The following FGFR1 variants were observed in gnomAD, a reference collection of about 807,000 sequenced individuals.
FGFR1 encodes FGFR1/PLAG1 fusion.
FGFR1 carries 18 observed loss-of-function variants against 93.7 expected under a neutral mutation model. The observed-to-expected ratio is 0.19, with a 90% CI of 0.13 to 0.28. The LOEUF is 0.28. Ranked by LOEUF, FGFR1 falls within the 10% of genes least tolerant of loss-of-function variation. The pLI, the probability that FGFR1 is intolerant of heterozygous loss-of-function variation, is 1.00. For synonymous variants in FGFR1, 448 were observed against 429.3 expected, an observed-to-expected ratio of 1.04 and a Z score of -0.54; for missense variants, 731 against 1,080.4, an observed-to-expected ratio of 0.68 and a Z score of 4.53.
intron 2 of FGFR1, chr8:38,435,195 T>C (rs1361402629): frequency 6.6e-6 from 1 of 152,168 alleles, no homozygotes; most frequent in Non-Finnish European, 1.5e-5. Flanking sequence ...TTGTCCAAAA[T>C]GTCCAAGTCT....
rs758138124 is a variant in FGFR1, at chr8:38,418,315, C to A, written c.1343G>T (p.Arg448Leu). The change falls in exon 10 of 18, where the codon CGG becomes CTG. Residue 448 changes from arginine to leucine, a missense_variant. Transcript: ENST00000447712. ...CATGGGAGTCCCACTGGAGGAGAGC[C>A]GTGATGGCCGAACCAGAAGAACCCC... ...NSGVLLVRPSRLSSSGTPMLA... is the reference protein window; with the variant it reads ...NSGVLLVRPSLLSSSGTPMLA... 2.5e-6 allele frequency: 4 copies of A among 1,613,996 alleles called. No individual in the cohort carries two copies. The highest frequency in any genetic ancestry group is 1.7e-5 in the Admixed American group (1 of 59,998).
chr8:38,464,466 G>A (rs1835101228), intron 1 of FGFR1, among the ~76,000 whole-genome samples: 1 of 152,170 alleles, frequency 6.6e-6, no homozygotes, highest in East Asian at 1.9e-4. Context: ...AAATGGGGGA[G>A]AGGGCCCTAA....
At chr8:38,450,735 C>G (rs1415130274) in intron 2 of FGFR1, among the ~76,000 whole-genome samples, 1 of 152,222 alleles carries the variant, frequency 6.6e-6, no homozygotes, top group African/African-American at 2.4e-5. Context: ...GATCTCTGGA[C>G]AGCCATTTGT....
chr8:38,433,249 T>C (rs1454362597), intron 2 of FGFR1, among the ~76,000 whole-genome samples: 3 of 152,068 alleles, frequency 2.0e-5, no homozygotes, highest in South Asian at 2.1e-4. Flanking sequence ...TGAGACAGGA[T>C]TGCTTGAGCC....
At chr8:38,462,073 T>C (rs2151436864) in intron 1 of FGFR1, among the ~76,000 whole-genome samples, 1 of 152,332 alleles carries the variant, frequency 6.6e-6, no homozygotes, top group Admixed American at 6.5e-5. Flanking sequence ...GTAAAAAGTA[T>C]ACACCGCATC....
chr8:38,440,175 G>T (rs894377365), intron 2 of FGFR1: 1 of 736,790 alleles, frequency 1.4e-6, no homozygotes, highest in Non-Finnish European at 2.4e-6. Context: ...AATTGTGGGT[G>T]GGGGAGGAAC....
At chr8:38,453,820 A>G (rs945997447) in intron 2 of FGFR1, among the ~76,000 whole-genome samples, 11 of 152,148 alleles carry the variant, frequency 7.2e-5, no homozygotes, top group Admixed American at 5.9e-4. Flanking sequence ...TGAACCTGGG[A>G]GGCAGAGGTT....
intron 1 of FGFR1, among the ~76,000 whole-genome samples, chr8:38,462,079 G>A (rs1252481618): frequency 1.3e-5 from 2 of 151,940 alleles, no homozygotes; most frequent in South Asian, 2.1e-4. Flanking sequence ...AGTATACACC[G>A]CATCTTAAAA....
intron 1 of FGFR1, among the ~76,000 whole-genome samples, chr8:38,460,790 AC>A (rs1834216914): frequency 6.6e-6 from 1 of 152,160 alleles, no homozygotes; most frequent in African/African-American, 2.4e-5. Context: ...CACTAGTCCA[AC>A]ATGCTGTCTG....
At chr8:38,446,766 C>T (rs1044788812) in intron 2 of FGFR1, among the ~76,000 whole-genome samples, 1 of 152,152 alleles carries the variant, frequency 6.6e-6, no homozygotes, top group African/African-American at 2.4e-5. Flanking sequence ...ATGTCCCAGC[C>T]TCTGAAGCTT....
chr8:38,461,158 T>C (rs1563642537), intron 1 of FGFR1: 1 of 1,535,596 alleles, frequency 6.5e-7, no homozygotes, highest in Middle Eastern at 1.7e-4. Context: ...GTGCCTGCTG[T>C]CTTCTCACTG....
At chr8:38,421,234 T>TG (rs1184153161) in intron 8 of FGFR1, among the ~76,000 whole-genome samples, 5 of 152,138 alleles carry the variant, frequency 3.3e-5, no homozygotes, top group Non-Finnish European at 4.4e-5. Context: ...ACAGGATACA[T>TG]GGACATCGTG....
chr8:38,422,255 G>A lies in FGFR1; in HGVS notation c.937-314C>T, dbSNP rs113811261. On this transcript the variant is annotated intron_variant, in intron 7 of 17. Transcript: ENST00000447712. Reference sequence around the variant, plus strand: ...CGGCATGGAGAAATGGGGCCGGCGGGCAGGGGCTGTTTGGTTTCAGGTAAA... The same window carrying A: ...CGGCATGGAGAAATGGGGCCGGCGGACAGGGGCTGTTTGGTTTCAGGTAAA... 4.3e-3 allele frequency: 2,059 copies of A among 474,386 alleles called. 33 individuals are homozygous for A. Among genetic ancestry groups the A allele is most frequent in the African/African-American group, 0.034 (1,757 of 51,810 alleles). 29.4% of individuals were successfully genotyped at this position (474,386 alleles called of 1,614,324 possible). A position where few individuals can be genotyped will look rare whatever the true frequency, so the allele number is the denominator to read the frequency against.
intron 3 of FGFR1, 61 bp from the exon 4 acceptor site, chr8:38,428,496 TA>T: frequency 1.5e-6 from 2 of 1,374,868 alleles, no homozygotes; most frequent in Non-Finnish European, 2.0e-6. Flanking sequence ...TCACCAAGGC[TA>T]GTGCAGTTCC....
At chr8:38,449,719 G>C (rs1468196989) in intron 2 of FGFR1, among the ~76,000 whole-genome samples, 1 of 152,216 alleles carries the variant, frequency 6.6e-6, no homozygotes, top group Non-Finnish European at 1.5e-5. Context: ...ATGTGAACGA[G>C]GAGAGGGCGT....
chr8:38,423,461 A>C (rs1819563371), intron 7 of FGFR1: 1 of 366,730 alleles, frequency 2.7e-6, no homozygotes, highest in Non-Finnish European at 5.1e-6. Context: ...AGCTGGGACT[A>C]CAGGTGCCAA....
intron 1 of FGFR1, among the ~76,000 whole-genome samples, chr8:38,458,449 G>A (rs1319646804): frequency 1.3e-5 from 2 of 152,120 alleles, no homozygotes; most frequent in East Asian, 1.9e-4. Flanking sequence ...GCTGAGACAG[G>A]AGAATTGCTT....
intron 8 of FGFR1, 44 bp from the exon 9 acceptor site, chr8:38,419,779 GT>G: frequency 6.5e-7 from 1 of 1,548,930 alleles, no homozygotes; most frequent in Non-Finnish European, 8.9e-7. Flanking sequence ...GGAGGGCCCC[GT>G]CCATGCGAGG....
intron 11 of FGFR1, 76 bp from the exon 12 acceptor site, chr8:38,417,492 T>G: frequency 8.0e-7 from 1 of 1,245,566 alleles, no homozygotes; most frequent in South Asian, 1.2e-5. Context: ...GTGGGGTATG[T>G]GTCGAGGGGC....
Sources: gnomAD v4.1 joint callset for allele counts (sites outside exome capture counted in the v4.1 genomes callset) on GRCh38, gnomAD v4.1.1 for gene constraint, MANE v1.5 for transcripts, NCBI Gene and HGNC (gene_info 2026-07-23, HGNC 2026-07-21) for gene names.